The following MNAT1 variants were observed in gnomAD, a reference collection of about 807,000 sequenced individuals.
MNAT1 encodes MNAT1 component of CDK activating kinase.
MNAT1 carries 43 observed loss-of-function variants against 42.0 expected under a neutral mutation model. That is an observed-to-expected ratio of 1.02 (90% CI 0.80 to 1.32). The LOEUF (loss-of-function observed/expected upper bound fraction) is 1.32. MNAT1 is among the 40% of genes most tolerant of loss of function. MNAT1 has a pLI of 0.00. For missense variants in MNAT1, 306 were observed against 350.4 expected, an observed-to-expected ratio of 0.87 and a Z score of 1.01; for synonymous variants, 118 against 120.0, an observed-to-expected ratio of 0.98 and a Z score of 0.11.
intron 7 of MNAT1, among the ~76,000 whole-genome samples, chr14:60,911,688 G>T (rs2035367412): frequency 6.6e-6 from 1 of 152,210 alleles, no homozygotes. Context: ...CTGAGAGACA[G>T]TTTGTTATAA....
intron 1 of MNAT1, chr14:60,753,531 A>G (rs1016904897): frequency 1.3e-5 from 2 of 152,158 alleles, no homozygotes; most frequent in Non-Finnish European, 2.9e-5. Flanking sequence ...TTCGCACAAC[A>G]TAGTAGCTTT....
intron 1 of MNAT1, among the ~76,000 whole-genome samples, chr14:60,792,524 G>GT (rs1447849977): frequency 2.0e-5 from 3 of 152,050 alleles, no homozygotes; most frequent in Admixed American, 2.0e-4. Flanking sequence ...ATAGGTTTCT[G>GT]TTTCATTTTT....
chr14:60,840,246 G>T (rs757427532), intron 6 of MNAT1, among the ~76,000 whole-genome samples: 1 of 152,170 alleles, frequency 6.6e-6, no homozygotes, highest in Non-Finnish European at 1.5e-5. Flanking sequence ...AATCTATTAG[G>T]GAAAAATGCC....
chr14:60,774,873 A>G (rs1465068779), intron 1 of MNAT1, among the ~76,000 whole-genome samples: 1 of 152,140 alleles, frequency 6.6e-6, no homozygotes. Context: ...TGAAATAATC[A>G]AGTATTCTGC....
intron 1 of MNAT1, among the ~76,000 whole-genome samples, chr14:60,793,200 CTTGTTTGT>C (rs774834071): frequency 2.6e-5 from 4 of 151,040 alleles, no homozygotes; most frequent in Non-Finnish European, 3.0e-5. Context: ...TTGTTTTTTG[CTTGTTTGT>C]TTGTTTGTTT....
chr14:60,774,457 T>C (rs1184130543), intron 1 of MNAT1, among the ~76,000 whole-genome samples: 3 of 152,178 alleles, frequency 2.0e-5, no homozygotes, highest in Admixed American at 6.6e-5. Context: ...TTGTATTTTA[T>C]GCTATTTAAT....
chr14:60,918,687 A>C (rs1313924576), intron 7 of MNAT1, among the ~76,000 whole-genome samples: 3 of 150,498 alleles, frequency 2.0e-5, no homozygotes, highest in Non-Finnish European at 4.4e-5. Flanking sequence ...TCTTGTTCCA[A>C]ATTATTGTGG....
rs2033913885 is a variant in MNAT1, at chr14:60,854,772, C to CG, written c.688-24937dup. On this transcript the variant is annotated intron_variant, in intron 6 of 7. Transcript: ENST00000261245. ...GGAGGTGTCTCCCAGTCAGGAGGCACGGGGGTCAGGGACCCACTTGAGCAG... is the reference window on the plus strand; with the variant it reads ...GGAGGTGTCTCCCAGTCAGGAGGCACGGGGGGTCAGGGACCCACTTGAGCAG... Among the ~76,000 whole-genome samples, 2 of 152,196 alleles carry CG rather than the reference C, an allele frequency of 1.3e-5. 1 individual carries two copies. Among genetic ancestry groups the CG allele is most frequent in the South Asian group, 4.1e-4 (2 of 4,832 alleles).
intron 7 of MNAT1, among the ~76,000 whole-genome samples, chr14:60,897,394 T>C (rs2139498497): frequency 6.6e-6 from 1 of 152,264 alleles, no homozygotes; most frequent in Non-Finnish European, 1.5e-5. Flanking sequence ...AATAATCATA[T>C]GTAAAGCTGA....
chr14:60,934,494 C>A (rs1292628183), intron 7 of MNAT1, among the ~76,000 whole-genome samples: 1 of 152,034 alleles, frequency 6.6e-6, no homozygotes, highest in African/African-American at 2.4e-5. Context: ...GGGGGCGGGT[C>A]TTTTCCATGC....
chr14:60,853,234 G>A (rs1020170752), intron 6 of MNAT1, among the ~76,000 whole-genome samples: 2 of 152,092 alleles, frequency 1.3e-5, no homozygotes, highest in African/African-American at 4.8e-5. Context: ...GCAGTGATTT[G>A]TAGTTCTCTT....
chr14:60,960,008 C>A (rs117418588), intron 7 of MNAT1, among the ~76,000 whole-genome samples: 1,523 of 133,248 alleles, frequency 0.011, 26 homozygotes, highest in South Asian at 0.064. Flanking sequence ...ATTTTCACTT[C>A]TGATAGTATT....
At chr14:60,875,186 A>T (rs186872231) in intron 6 of MNAT1, among the ~76,000 whole-genome samples, 119 of 152,250 alleles carry the variant, frequency 7.8e-4, no homozygotes, top group Middle Eastern at 3.4e-3. Context: ...GAATTTATAT[A>T]AAAAATTGGT....
At chr14:60,933,794 G>T (rs745481005) in intron 7 of MNAT1, among the ~76,000 whole-genome samples, 6 of 151,972 alleles carry the variant, frequency 3.9e-5, no homozygotes, top group African/African-American at 7.3e-5. Context: ...CCCACCCTTT[G>T]TTACCTTGTA....
chr14:60,948,238 C>A (rs2036318484), intron 7 of MNAT1, among the ~76,000 whole-genome samples: 1 of 151,988 alleles, frequency 6.6e-6, no homozygotes, highest in African/African-American at 2.4e-5. Flanking sequence ...CGAGAACACC[C>A]CGGGCAACTA....
chr14:60,763,191 T>C (rs1056704271), intron 1 of MNAT1, among the ~76,000 whole-genome samples: 1 of 152,184 alleles, frequency 6.6e-6, no homozygotes, highest in African/African-American at 2.4e-5. Flanking sequence ...GGAAATTTCT[T>C]ACTGAGATTC....
chr14:60,941,118 T>TTTAAG (rs1319823030), intron 7 of MNAT1, among the ~76,000 whole-genome samples: 3 of 152,282 alleles, frequency 2.0e-5, no homozygotes, highest in East Asian at 3.9e-4. Flanking sequence ...TTTTTATGGT[T>TTTAAG]TTTAGTGATT....
chr14:60,835,325 C>T (rs2033361519), intron 6 of MNAT1, among the ~76,000 whole-genome samples: 1 of 152,074 alleles, frequency 6.6e-6, no homozygotes, highest in South Asian at 2.1e-4. Context: ...GTTAGTTGAG[C>T]AGTTTCTTCA....
intron 7 of MNAT1, among the ~76,000 whole-genome samples, chr14:60,955,994 G>A (rs2036481605): frequency 6.6e-6 from 1 of 151,454 alleles, no homozygotes; most frequent in Non-Finnish European, 1.5e-5. Context: ...TCTATTGTAT[G>A]TCTAATCTCT....
Sources: allele counts gnomAD v4.1 joint callset (sites outside exome capture counted in the v4.1 genomes callset), GRCh38; gene constraint gnomAD v4.1.1; transcripts MANE v1.5; gene names NCBI Gene and HGNC (gene_info 2026-07-23, HGNC 2026-07-21).